FERRY3: variants seen among roughly 807,000 people sequenced by gnomAD.
FERRY3 encodes protein C12orf4.
At chr12:4,509,258 G>A in the FERRY3 span, 38 of 158,394 alleles carry the variant, frequency 2.4e-4, no homozygotes, top group South Asian at 1.2e-3. Flanking sequence ...CGCCCACGGA[G>A]TCTCGCTGAT....
the FERRY3 span, among the ~76,000 whole-genome samples, chr12:4,494,344 A>G: frequency 6.6e-6 from 1 of 152,186 alleles, no homozygotes; most frequent in Non-Finnish European, 1.5e-5. Context: ...ATTTTAAAAT[A>G]TAATTTATTA....
chr12:4,493,334 AT>A, the FERRY3 span, among the ~76,000 whole-genome samples: 12 of 152,166 alleles, frequency 7.9e-5, no homozygotes, highest in Admixed American at 6.5e-4. Context: ...TACCTTTACA[AT>A]GCCTTCTATA....
the FERRY3 span, among the ~76,000 whole-genome samples, chr12:4,536,962 C>G: frequency 6.6e-6 from 1 of 152,324 alleles, no homozygotes; most frequent in South Asian, 2.1e-4. Flanking sequence ...ATATACTTAT[C>G]TGATCATGTT....
At chr12:4,536,033 C>G in the FERRY3 span, 1 of 1,576,248 alleles carries the variant, frequency 6.3e-7, no homozygotes, top group Admixed American at 1.9e-5. Flanking sequence ...CTATAAAGCA[C>G]GGTAAACTGT....
the FERRY3 span, among the ~76,000 whole-genome samples, chr12:4,524,704 T>C: frequency 3.3e-5 from 5 of 152,160 alleles, no homozygotes; most frequent in African/African-American, 7.2e-5. Flanking sequence ...GGAAATAACA[T>C]AGGTATGGTC....
chr12:4,516,372 T>G, the FERRY3 span, among the ~76,000 whole-genome samples: 9 of 152,102 alleles, frequency 5.9e-5, no homozygotes, highest in Non-Finnish European at 7.4e-5. Context: ...TGGGTATATA[T>G]CCAAAGGAAT....
chr12:4,536,152 A>G, the FERRY3 span: 3 of 1,602,974 alleles, frequency 1.9e-6, no homozygotes, highest in Non-Finnish European at 2.6e-6. Flanking sequence ...TTATATACAA[A>G]TTCTCTCTCT....
At chr12:4,500,320 G>C in the FERRY3 span, 1 of 1,613,810 alleles carries the variant, frequency 6.2e-7, no homozygotes, top group Non-Finnish European at 8.5e-7. Context: ...AGATTAGAAT[G>C]CCGTGTAATA....
chr12:4,520,605 G>T, the FERRY3 span, among the ~76,000 whole-genome samples: 1 of 152,074 alleles, frequency 6.6e-6, no homozygotes, highest in Non-Finnish European at 1.5e-5. Context: ...TACATTGAAG[G>T]TACTGACAGA....
the FERRY3 span, among the ~76,000 whole-genome samples, chr12:4,528,942 C>T: frequency 1.4e-5 from 2 of 142,500 alleles, no homozygotes; most frequent in South Asian, 4.4e-4. Flanking sequence ...CACACACAAA[C>T]AAAAGTGATT....
the FERRY3 span, chr12:4,534,177 A>G: frequency 6.2e-7 from 1 of 1,609,104 alleles, no homozygotes. Context: ...GCTTTGGCCC[A>G]TGTACTCGCC....
At chr12:4,518,378 GCC>G in the FERRY3 span, 1 of 808,658 alleles carries the variant, frequency 1.2e-6, no homozygotes, top group Non-Finnish European at 1.9e-6. Context: ...TTAAAAATGG[GCC>G]TTGCAACTTC....
the FERRY3 span, among the ~76,000 whole-genome samples, chr12:4,510,271 G>T: frequency 6.7e-6 from 1 of 148,730 alleles, no homozygotes; most frequent in African/African-American, 2.6e-5. Context: ...ATGTCTGATT[G>T]GTGTACCTGA....
chr12:4,505,882 T>C, the FERRY3 span, among the ~76,000 whole-genome samples: 18 of 152,204 alleles, frequency 1.2e-4, no homozygotes, highest in African/African-American at 4.1e-4. Context: ...AATAAATGGC[T>C]AGTGGGACCA....
chr12:4,522,407 T>A, the FERRY3 span, among the ~76,000 whole-genome samples: 3 of 152,132 alleles, frequency 2.0e-5, no homozygotes, highest in Non-Finnish European at 4.4e-5. Flanking sequence ...AGAAGACACA[T>A]TTTTCCAGCA....
the FERRY3 span, chr12:4,525,207 A>G: frequency 2.5e-6 from 4 of 1,578,330 alleles, no homozygotes; most frequent in African/African-American, 5.4e-5. Flanking sequence ...TATAAACATT[A>G]CTAACAATGG....
At chr12:4,491,204 C>G in the FERRY3 span, 1 of 1,613,266 alleles carries the variant, frequency 6.2e-7, no homozygotes, top group South Asian at 1.1e-5. Context: ...ACAAGTTCCG[C>G]TCTCCTTAAG....
the FERRY3 span, chr12:4,529,818 CTATT>C: frequency 6.3e-6 from 9 of 1,419,540 alleles, no homozygotes; most frequent in South Asian, 9.8e-5. Flanking sequence ...TGCAGGCCAT[CTATT>C]TGACAACGTA....
chr12:4,490,038 G>A, the FERRY3 span: 12 of 574,936 alleles, frequency 2.1e-5, no homozygotes, highest in African/African-American at 5.7e-5. Flanking sequence ...TTTCATGGCC[G>A]ATGTAACTGC....
Sources: gnomAD v4.1 joint callset for allele counts (sites outside exome capture counted in the v4.1 genomes callset) on GRCh38, gnomAD v4.1.1 for gene constraint, MANE v1.5 for transcripts, NCBI Gene and HGNC (gene_info 2026-07-23, HGNC 2026-07-21) for gene names.